The following SPHKAP variants were observed in gnomAD, a reference collection of about 807,000 sequenced individuals.
SPHKAP encodes the protein SPHK1 interactor, AKAP domain containing, also known as A-kinase anchor protein SPHKAP.
In SPHKAP, 67 loss-of-function variants were observed where a neutral mutation model predicts 137.5. The observed-to-expected ratio is 0.49, with a 90% CI of 0.40 to 0.60. The LOEUF (loss-of-function observed/expected upper bound fraction) is 0.60, where lower values mean the gene tolerates loss of function less well. SPHKAP is among the 20% of genes least tolerant of loss of function. SPHKAP has a pLI of 0.00. For missense variants in SPHKAP, 2,097 were observed against 2,069.3 expected, an observed-to-expected ratio of 1.01 and a Z score of -0.26; for synonymous variants, 813 against 785.3, an observed-to-expected ratio of 1.04 and a Z score of -0.59.
chr2:228,163,166 A>G (rs1700325764), intron 1 of SPHKAP, among the ~76,000 whole-genome samples: 1 of 152,204 alleles, frequency 6.6e-6, no homozygotes, highest in African/African-American at 2.4e-5. Flanking sequence ...GAGCAACTGG[A>G]TATCAGCAGC....
At chr2:228,013,931 G>A (rs1483604443) in intron 7 of SPHKAP, among the ~76,000 whole-genome samples, 1 of 152,034 alleles carries the variant, frequency 6.6e-6, no homozygotes, top group Non-Finnish European at 1.5e-5. Flanking sequence ...TTTTATTGGT[G>A]GAAAACCAAA....
intron 2 of SPHKAP, among the ~76,000 whole-genome samples, chr2:228,121,187 T>C (rs972156706): frequency 7.9e-5 from 12 of 152,146 alleles, no homozygotes; most frequent in Non-Finnish European, 1.3e-4. Flanking sequence ...TGAGTATTGG[T>C]GCATGCCTTT....
intron 3 of SPHKAP, among the ~76,000 whole-genome samples, chr2:228,051,483 C>T (rs1441367119): frequency 6.6e-6 from 1 of 152,068 alleles, no homozygotes; most frequent in Non-Finnish European, 1.5e-5. Context: ...CCTGCCATTG[C>T]CCTGATAAGA....
rs572513712 is a variant in SPHKAP at position 228,021,901 on chromosome 2, G to A, written c.507C>T (p.Asn169=). ...ATTTGTTGATTTCAAAGATGATGCA[G>A]TTGGTACTGTTTGGTCTGTTCCCTC... ...CARGNRPNST[N]CIIFEINKFL... is the part of the protein sequence containing the mutation. The change falls in exon 6 of 12, where the codon AAC becomes AAT. Residue 169 remains asparagine, a synonymous_variant. Coordinates refer to ENST00000392056, the MANE Select transcript of SPHKAP (RefSeq NM_001142644.2). 3 of 1,614,126 alleles carry A rather than the reference G, an allele frequency of 1.9e-6. No homozygotes were observed. In the East Asian group the frequency reaches 6.7e-5, roughly 36 times the overall value.
At chr2:228,128,106 G>A (rs908911233) in intron 2 of SPHKAP, among the ~76,000 whole-genome samples, 5 of 152,158 alleles carry the variant, frequency 3.3e-5, no homozygotes, top group African/African-American at 9.7e-5. Context: ...AACAATGAAC[G>A]TCGCCACATT....
intron 3 of SPHKAP, among the ~76,000 whole-genome samples, chr2:228,028,497 T>C (rs1695147731): frequency 6.6e-6 from 1 of 152,246 alleles, no homozygotes. Flanking sequence ...TGTTGCATAA[T>C]GAACAACATT....
intron 3 of SPHKAP, among the ~76,000 whole-genome samples, chr2:228,057,585 G>T (rs956986501): frequency 1.3e-5 from 2 of 152,144 alleles, no homozygotes; most frequent in Non-Finnish European, 2.9e-5. Context: ...GAGGCAAGGT[G>T]GGGGCAAGGA....
At chr2:228,123,931 A>T (rs1405890631) in intron 2 of SPHKAP, among the ~76,000 whole-genome samples, 3 of 152,242 alleles carry the variant, frequency 2.0e-5, no homozygotes, top group African/African-American at 7.2e-5. Context: ...AAGGATATGA[A>T]CAAACACTTC....
At chr2:228,096,590 T>A (rs920414177) in intron 3 of SPHKAP, among the ~76,000 whole-genome samples, 1 of 151,964 alleles carries the variant, frequency 6.6e-6, no homozygotes, top group Non-Finnish European at 1.5e-5. Context: ...CACTTGTAAG[T>A]GGATCTGTTC....
intron 3 of SPHKAP, among the ~76,000 whole-genome samples, chr2:228,090,490 G>A (rs995410028): frequency 6.6e-6 from 1 of 152,156 alleles, no homozygotes; most frequent in Admixed American, 6.6e-5. Context: ...GAGACTTTTG[G>A]GGACTATTGG....
At chr2:228,152,759 A>G (rs1699974837) in intron 1 of SPHKAP, among the ~76,000 whole-genome samples, 1 of 150,596 alleles carries the variant, frequency 6.6e-6, no homozygotes, top group South Asian at 2.1e-4. Flanking sequence ...TATAATATGT[A>G]TACTTACCTT....
chr2:227,993,464 G>C, intron 9 of SPHKAP, 70 bp downstream of exon 9: 1 of 1,395,514 alleles, frequency 7.2e-7, no homozygotes, highest in East Asian at 2.5e-5. Flanking sequence ...CAACCTGAAT[G>C]ATCAAAATGG....
intron 7 of SPHKAP, among the ~76,000 whole-genome samples, chr2:228,008,711 AGTT>A: frequency 6.7e-6 from 1 of 150,356 alleles, no homozygotes; most frequent in Middle Eastern, 3.5e-3. Flanking sequence ...GTAAATGTCC[AGTT>A]GTTTCTGTAC....
intron 1 of SPHKAP, among the ~76,000 whole-genome samples, chr2:228,151,615 G>T (rs1356902234): frequency 2.6e-5 from 4 of 152,010 alleles, no homozygotes; most frequent in African/African-American, 7.3e-5. Context: ...ACTTTTTAAT[G>T]ATCGCCATTC....
intron 1 of SPHKAP, among the ~76,000 whole-genome samples, chr2:228,157,893 A>G (rs1328345411): frequency 6.6e-6 from 1 of 152,158 alleles, no homozygotes; most frequent in Non-Finnish European, 1.5e-5. Context: ...AAAAAATGTC[A>G]CCAAGGAAAC....
At chr2:228,066,181 A>G (rs1377458885) in intron 3 of SPHKAP, among the ~76,000 whole-genome samples, 3 of 152,204 alleles carry the variant, frequency 2.0e-5, no homozygotes, top group Non-Finnish European at 4.4e-5. Context: ...TAATAATTAT[A>G]CAATGGAATA....
intron 3 of SPHKAP, among the ~76,000 whole-genome samples, chr2:228,064,996 C>T (rs943726991): frequency 6.6e-6 from 1 of 152,222 alleles, no homozygotes. Context: ...AAACAAAAAG[C>T]ACATTCATTT....
At chr2:228,171,279 G>A (rs575888480) in intron 1 of SPHKAP, among the ~76,000 whole-genome samples, 1 of 152,180 alleles carries the variant, frequency 6.6e-6, no homozygotes, top group South Asian at 2.1e-4. Context: ...ATATTTGTGT[G>A]ATTTGAGTAA....
chr2:228,031,664 C>A (rs892656186), intron 3 of SPHKAP, among the ~76,000 whole-genome samples: 1 of 152,170 alleles, frequency 6.6e-6, no homozygotes, highest in African/African-American at 2.4e-5. Flanking sequence ...TCCTCTGAGA[C>A]AAAACTTCTA....
Sources: gnomAD v4.1 joint callset for allele counts (sites outside exome capture counted in the v4.1 genomes callset) on GRCh38, gnomAD v4.1.1 for gene constraint, MANE v1.5 for transcripts, NCBI Gene and HGNC (gene_info 2026-07-23, HGNC 2026-07-21) for gene names.